The following NLGN1 variants were observed in gnomAD, a reference collection of about 807,000 sequenced individuals.
NLGN1 encodes neuroligin-1.
Under a neutral mutation model 65.5 loss-of-function variants are expected in NLGN1, and 12 were observed. The observed-to-expected ratio is 0.18, with a 90% CI of 0.12 to 0.30. The LOEUF (loss-of-function observed/expected upper bound fraction) is 0.30, where lower values mean the gene tolerates loss of function less well. Among genes scored for constraint, NLGN1 ranks in the 10% least tolerant of loss-of-function variants. The probability of loss-of-function intolerance (pLI) is 1.00; values close to 1 mark genes in which losing one functional copy is unlikely to be tolerated. For synonymous variants in NLGN1, 350 were observed against 359.5 expected, an observed-to-expected ratio of 0.97 and a Z score of 0.30; for missense variants, 750 against 1,007.1, an observed-to-expected ratio of 0.74 and a Z score of 3.46.
chr3:173,947,389 C>T (rs916329374), intron 4 of NLGN1, among the ~76,000 whole-genome samples: 2 of 152,080 alleles, frequency 1.3e-5, no homozygotes, highest in Non-Finnish European at 2.9e-5. Context: ...GCCTGAACAT[C>T]TCCATAGTAC....
intron 4 of NLGN1, among the ~76,000 whole-genome samples, chr3:174,112,852 A>G (rs1056572159): frequency 2.0e-5 from 3 of 151,914 alleles, no homozygotes; most frequent in African/African-American, 4.8e-5. Context: ...TAAGTACTCA[A>G]TGAGTAGTCA....
chr3:173,472,952 C>G (rs1470626291), intron 2 of NLGN1, among the ~76,000 whole-genome samples: 1 of 151,960 alleles, frequency 6.6e-6, no homozygotes, highest in African/African-American at 2.4e-5. Context: ...ACAGTGTTGG[C>G]CTATAAATTC....
At chr3:174,275,627 G>A in intron 5 of NLGN1, 100 bp downstream of exon 5, 1 of 719,924 alleles carries the variant, frequency 1.4e-6, no homozygotes, top group Non-Finnish European at 2.4e-6. Context: ...CAAACTGAGT[G>A]TTAGGTTGAA....
intron 2 of NLGN1, among the ~76,000 whole-genome samples, chr3:173,502,284 G>T (rs550880): frequency 0.098 from 14,861 of 152,092 alleles, 864 homozygotes; most frequent in Admixed American, 0.18. Flanking sequence ...CTTAGTAAGA[G>T]AAGATCTTAC....
At chr3:173,433,559 A>G (rs1468480870) in intron 1 of NLGN1, among the ~76,000 whole-genome samples, 1 of 152,136 alleles carries the variant, frequency 6.6e-6, no homozygotes, top group Non-Finnish European at 1.5e-5. Flanking sequence ...TTATAATTTC[A>G]TTGTTAACTT....
At chr3:173,491,662 G>A (rs1298235099) in intron 2 of NLGN1, among the ~76,000 whole-genome samples, 1 of 151,576 alleles carries the variant, frequency 6.6e-6, no homozygotes, top group African/African-American at 2.4e-5. Flanking sequence ...TGCTAATACT[G>A]TCTGAAGCAG....
intron 3 of NLGN1, among the ~76,000 whole-genome samples, chr3:173,798,368 A>C (rs1015837200): frequency 2.0e-5 from 3 of 152,150 alleles, no homozygotes; most frequent in Non-Finnish European, 4.4e-5. Flanking sequence ...AAATTACAGA[A>C]AAATTAAAAG....
At chr3:173,561,160 G>A (rs889150827) in intron 2 of NLGN1, among the ~76,000 whole-genome samples, 6 of 152,144 alleles carry the variant, frequency 3.9e-5, no homozygotes, top group Non-Finnish European at 7.3e-5. Flanking sequence ...TCATTACTTG[G>A]CAGGAACTTC....
intron 2 of NLGN1, among the ~76,000 whole-genome samples, chr3:173,596,714 T>G (rs1275922187): frequency 1.3e-5 from 2 of 152,230 alleles, no homozygotes; most frequent in Non-Finnish European, 2.9e-5. Context: ...GGTCATGACA[T>G]GGGTCCTAGC....
chr3:174,071,956 A>C (rs1387095173), intron 4 of NLGN1, among the ~76,000 whole-genome samples: 1 of 152,162 alleles, frequency 6.6e-6, no homozygotes, highest in East Asian at 1.9e-4. Context: ...AGAAGTTAGC[A>C]TTGAGAATGT....
chr3:173,431,321 C>T (rs989622701), intron 1 of NLGN1, among the ~76,000 whole-genome samples: 2 of 152,068 alleles, frequency 1.3e-5, no homozygotes, highest in Non-Finnish European at 2.9e-5. Context: ...TTTTAATCTA[C>T]ATTTTAGTTT....
chr3:173,585,685 C>A (rs1747300288), intron 2 of NLGN1, among the ~76,000 whole-genome samples: 1 of 152,206 alleles, frequency 6.6e-6, no homozygotes, highest in South Asian at 2.1e-4. Flanking sequence ...ACGTTGCAGG[C>A]TTTTTGCCGA....
upstream of NLGN1, chr3:173,398,306 T>A (rs551440029): frequency 9.2e-5 from 14 of 152,248 alleles, no homozygotes; most frequent in Non-Finnish European, 1.5e-4. Flanking sequence ...CCCCACAACG[T>A]TTCCTGAGAG....
intron 4 of NLGN1, among the ~76,000 whole-genome samples, chr3:174,272,187 G>A (rs1432454634): frequency 2.0e-5 from 3 of 151,718 alleles, no homozygotes; most frequent in South Asian, 4.2e-4. Context: ...CATGAAGTGA[G>A]GACTCTGCAA....
chr3:173,570,344 A>G (rs576531629), intron 2 of NLGN1, among the ~76,000 whole-genome samples: 44 of 152,298 alleles, frequency 2.9e-4, no homozygotes, highest in Middle Eastern at 3.4e-3. Flanking sequence ...CAGCATGCTT[A>G]GAGAGGCAGT....
chr3:174,044,943 T>C (rs1438517683), intron 4 of NLGN1, among the ~76,000 whole-genome samples: 2 of 152,062 alleles, frequency 1.3e-5, no homozygotes, highest in Non-Finnish European at 2.9e-5. Flanking sequence ...AGGACGTGTT[T>C]GCTTCTCCTT....
intron 4 of NLGN1, among the ~76,000 whole-genome samples, chr3:173,960,630 C>G (rs1269783956): frequency 6.6e-6 from 1 of 151,848 alleles, no homozygotes; most frequent in South Asian, 2.1e-4. Flanking sequence ...AATTTTAAAA[C>G]AGATATAGGA....
At chr3:174,005,875 T>G (rs996017104) in intron 4 of NLGN1, among the ~76,000 whole-genome samples, 4 of 152,132 alleles carry the variant, frequency 2.6e-5, no homozygotes, top group African/African-American at 7.2e-5. Flanking sequence ...GGGGATTATA[T>G]CTACCTCATT....
chr3:173,796,990 A>G (rs1461890185), intron 3 of NLGN1, among the ~76,000 whole-genome samples: 1 of 152,190 alleles, frequency 6.6e-6, no homozygotes, highest in African/African-American at 2.4e-5. Flanking sequence ...CAGTTCTAAC[A>G]GTTTAGAACA....
Sources: allele counts gnomAD v4.1 joint callset (sites outside exome capture counted in the v4.1 genomes callset), GRCh38; gene constraint gnomAD v4.1.1; transcripts MANE v1.5; gene names NCBI Gene and HGNC (gene_info 2026-07-23, HGNC 2026-07-21).